Variants in LRP1B observed in about 807,000 individuals in gnomAD.
LRP1B encodes low-density lipoprotein receptor-related protein 1B.
LRP1B carries 217 observed loss-of-function variants against 556.6 expected under a neutral mutation model. The ratio of observed to expected loss-of-function variants is 0.39; its 90% CI spans 0.35 to 0.44. LRP1B has a LOEUF of 0.44. LRP1B is among the 20% of genes least tolerant of loss of function. The pLI is 1.00. For missense variants in LRP1B, 5,053 were observed against 5,620.8 expected, an observed-to-expected ratio of 0.90 and a Z score of 3.23; for synonymous variants, 2,047 against 1,865.8, an observed-to-expected ratio of 1.10 and a Z score of -2.50.
At chr2:141,741,850 C>T (rs1023845797) in intron 2 of LRP1B, among the ~76,000 whole-genome samples, 5 of 152,046 alleles carry the variant, frequency 3.3e-5, no homozygotes, top group African/African-American at 7.2e-5. Context: ...TGGGATATTG[C>T]GCAAGAAATC....
intron 17 of LRP1B, among the ~76,000 whole-genome samples, chr2:140,987,251 A>G (rs561670940): frequency 1.3e-5 from 2 of 152,208 alleles, no homozygotes; most frequent in East Asian, 3.9e-4. Flanking sequence ...TGACGAAAAG[A>G]TCTAGTAGTG....
chr2:141,599,074 C>G (rs865860658), intron 2 of LRP1B, among the ~76,000 whole-genome samples: 1 of 81,748 alleles, frequency 1.2e-5, no homozygotes, highest in African/African-American at 4.7e-5. Flanking sequence ...CCCCCCCCCC[C>G]GCTTTAACTC....
At chr2:141,508,894 A>G (rs1384378086) in intron 2 of LRP1B, among the ~76,000 whole-genome samples, 1 of 152,122 alleles carries the variant, frequency 6.6e-6, no homozygotes, top group African/African-American at 2.4e-5. Flanking sequence ...TTGTCCTGAT[A>G]TAAAGTGCTT....
chr2:142,058,101 G>A (rs73963423), intron 1 of LRP1B, among the ~76,000 whole-genome samples: 3,308 of 152,154 alleles, frequency 0.022, 44 homozygotes, highest in African/African-American at 0.031. Context: ...GCACTACTAC[G>A]TCCCACTGTT....
chr2:141,793,654 T>A (rs1489894737), intron 2 of LRP1B, among the ~76,000 whole-genome samples: 1 of 151,962 alleles, frequency 6.6e-6, no homozygotes, highest in Non-Finnish European at 1.5e-5. Flanking sequence ...ATATAATTAC[T>A]ATTTTTATGG....
At chr2:141,596,519 T>TTAA (rs1315627493) in intron 2 of LRP1B, among the ~76,000 whole-genome samples, 2 of 151,986 alleles carry the variant, frequency 1.3e-5, no homozygotes, top group African/African-American at 4.8e-5. Flanking sequence ...ACACACATAA[T>TTAA]TAATAATAAT....
At position 141,261,313 on chromosome 2, in the gene LRP1B, G is replaced by T. The variant is rs577943550; in HGVS notation, c.344-6672C>A. Among the ~76,000 whole-genome samples the T allele has an allele frequency of 2.0e-5, 3 of 152,248 alleles. No individual in the cohort carries two copies. In the South Asian group the frequency reaches 6.2e-4, roughly 32 times the overall value. On this transcript the variant is annotated intron_variant, in intron 3 of 90. Coordinates refer to ENST00000389484, the MANE Select transcript of LRP1B (RefSeq NM_018557.3). ...TTCTCTTACAAGAAGATAGAGCAGC[G>T]AGGCAATGCTTTTTTATTGCATTTT...
intron 35 of LRP1B, among the ~76,000 whole-genome samples, chr2:140,729,866 A>G (rs1010665525): frequency 6.6e-6 from 1 of 152,232 alleles, no homozygotes; most frequent in Non-Finnish European, 1.5e-5. Flanking sequence ...TGAATGAATG[A>G]TCATGCATAA....
intron 3 of LRP1B, among the ~76,000 whole-genome samples, chr2:141,304,647 T>C (rs1005232226): frequency 1.3e-5 from 2 of 151,256 alleles, no homozygotes; most frequent in African/African-American, 4.8e-5. Context: ...ACCCAGCTAT[T>C]GTTTTTTTCT....
At chr2:141,309,786 T>C (rs1308140843) in intron 3 of LRP1B, among the ~76,000 whole-genome samples, 1 of 151,978 alleles carries the variant, frequency 6.6e-6, no homozygotes, top group East Asian at 1.9e-4. Context: ...GGCACAGGTA[T>C]AACTATGTAA....
chr2:141,464,606 A>ATATATATATATATATATATATATATT, intron 3 of LRP1B, among the ~76,000 whole-genome samples: 23 of 90,526 alleles, frequency 2.5e-4, no homozygotes, highest in Non-Finnish European at 4.4e-4. Flanking sequence ...ATATATATAT[A>ATATATATATATATATATATATATATT]TTTTTTTAGT....
chr2:141,143,007 C>A (rs1300857861), intron 7 of LRP1B, among the ~76,000 whole-genome samples: 2 of 147,894 alleles, frequency 1.4e-5, no homozygotes, highest in Non-Finnish European at 3.0e-5. Flanking sequence ...CGGCTCACTG[C>A]AACCTCCGCC....
intron 3 of LRP1B, among the ~76,000 whole-genome samples, chr2:141,467,144 ATATATATC>A: frequency 9.7e-6 from 1 of 103,538 alleles, no homozygotes; most frequent in Non-Finnish European, 2.0e-5. Context: ...ATATATATAT[ATATATATC>A]CTCTCAGGTG....
At chr2:141,073,037 A>G (rs1279836739) in intron 7 of LRP1B, among the ~76,000 whole-genome samples, 4 of 152,084 alleles carry the variant, frequency 2.6e-5, no homozygotes, top group Admixed American at 2.6e-4. Context: ...TATTCAGCAC[A>G]CGAATTTGCT....
chr2:140,542,065 T>C (rs543971143), intron 43 of LRP1B, 94 bp from the exon 44 acceptor site: 3 of 769,470 alleles, frequency 3.9e-6, no homozygotes, highest in Admixed American at 6.6e-5. Flanking sequence ...AGATTAGGAT[T>C]AGTTGGATTT....
intron 66 of LRP1B, among the ~76,000 whole-genome samples, chr2:140,405,956 A>T (rs1684714130): frequency 6.6e-6 from 1 of 152,198 alleles, no homozygotes; most frequent in Non-Finnish European, 1.5e-5. Flanking sequence ...AATACCAGAT[A>T]ATCGAATCCA....
intron 11 of LRP1B, among the ~76,000 whole-genome samples, chr2:141,038,047 T>A (rs1698587627): frequency 6.6e-6 from 1 of 151,734 alleles, no homozygotes; most frequent in African/African-American, 2.4e-5. Context: ...TGTTACCTCT[T>A]CCAATCAATG....
chr2:141,034,694 A>G (rs1413579256), intron 11 of LRP1B, among the ~76,000 whole-genome samples: 1 of 149,770 alleles, frequency 6.7e-6, no homozygotes, highest in African/African-American at 2.4e-5. Context: ...AATCATTAAA[A>G]AGTCAGGAAA....
At chr2:141,075,143 G>C (rs1366908113) in intron 7 of LRP1B, among the ~76,000 whole-genome samples, 2 of 152,030 alleles carry the variant, frequency 1.3e-5, no homozygotes, top group Non-Finnish European at 2.9e-5. Flanking sequence ...CTGTCCCCTG[G>C]GAGGAGGATG....
Sources: allele counts gnomAD v4.1 joint callset (sites outside exome capture counted in the v4.1 genomes callset), GRCh38; gene constraint gnomAD v4.1.1; transcripts MANE v1.5; gene names NCBI Gene and HGNC (gene_info 2026-07-23, HGNC 2026-07-21).